Variants in LIMCH1 observed in about 807,000 individuals in gnomAD.
LIMCH1 encodes the protein LIM and calponin homology domains 1.
Under a neutral mutation model 176.5 loss-of-function variants are expected in LIMCH1, and 113 were observed. The observed-to-expected ratio is 0.64, with a 90% confidence interval of 0.55 to 0.75. The LOEUF (loss-of-function observed/expected upper bound fraction) is 0.75, where lower values mean the gene tolerates loss of function less well. Ranked by LOEUF, LIMCH1 falls within the 30% of genes least tolerant of loss-of-function variation. The pLI is 0.00. For missense variants in LIMCH1, 1,674 were observed against 1,814.9 expected, an observed-to-expected ratio of 0.92 and a Z score of 1.41; for synonymous variants, 619 against 645.9, an observed-to-expected ratio of 0.96 and a Z score of 0.63.
At position 41,619,423 on chromosome 4, in the gene LIMCH1, T is replaced by C; in HGVS notation, c.441T>C (p.Gly147=). 2 of 1,610,116 alleles carry C rather than the reference T, an allele frequency of 1.2e-6. No individual in the cohort carries two copies. The highest frequency in any genetic ancestry group is 2.2e-5 in the South Asian group (2 of 91,064). ...KSWSTATSPL[G]GERPFSFPET... ...GGAGTACCGCCACCTCCCCGCTGGG[T>C]GGGGAGAGGCCCTTCAGGTAAGGCC... Residue 147 remains glycine, a synonymous_variant, in exon 6 of 32, where the codon GGT becomes GGC. Transcript: ENST00000503057.
At chr4:41,367,267 A>G (rs2053163937) in intron 1 of LIMCH1, among the ~76,000 whole-genome samples, 1 of 152,222 alleles carries the variant, frequency 6.6e-6, no homozygotes, top group Non-Finnish European at 1.5e-5. Flanking sequence ...CAGATGATAT[A>G]GTCATATAAA....
rs375750606 is a variant in LIMCH1 at position 41,391,223 on chromosome 4, A to G, written c.96+30287A>G. Among the ~76,000 whole-genome samples the G allele has an allele frequency of 4.6e-5, 7 of 152,270 alleles. No individual in the cohort carries two copies. In the East Asian group the frequency reaches 1.4e-3, roughly 29 times the overall value. On this transcript the variant is annotated intron_variant, in intron 1 of 26. Coordinates refer to the LIMCH1 transcript ENST00000313860. ...ATATTGGAAAAATATTTTAATCCTT[A>G]AGTGCTCTAGTTTCTTCATTTGTGT...
intron 2 of LIMCH1, among the ~76,000 whole-genome samples, chr4:41,495,018 C>T (rs1376620598): frequency 3.3e-5 from 5 of 152,104 alleles, no homozygotes; most frequent in South Asian, 4.1e-4. Flanking sequence ...TAAAACATGC[C>T]GGGTAATGCT....
chr4:41,370,541 G>A (rs1008981414), intron 1 of LIMCH1, among the ~76,000 whole-genome samples: 2 of 152,080 alleles, frequency 1.3e-5, no homozygotes, highest in African/African-American at 4.8e-5. Flanking sequence ...AGTTGCCTGT[G>A]GAGCTGAATG....
At chr4:41,679,923 T>G in intron 23 of LIMCH1, 83 bp from the exon 24 acceptor site, 1 of 784,622 alleles carries the variant, frequency 1.3e-6, no homozygotes, top group Non-Finnish European at 2.1e-6. Flanking sequence ...TGCAACATAT[T>G]GTACATGGTG....
intron 1 of LIMCH1, among the ~76,000 whole-genome samples, chr4:41,488,133 AACT>A (rs2070048088): frequency 6.6e-6 from 1 of 152,190 alleles, no homozygotes; most frequent in Non-Finnish European, 1.5e-5. Context: ...AATGTAGCTA[AACT>A]TTGTTGGGCT....
intron 1 of LIMCH1, among the ~76,000 whole-genome samples, chr4:41,400,104 G>T (rs529731132): frequency 1.8e-4 from 28 of 151,844 alleles, no homozygotes; most frequent in Admixed American, 9.2e-4. Context: ...CCAAGGTTTG[G>T]ACCAAGACTG....
intron 1 of LIMCH1, among the ~76,000 whole-genome samples, chr4:41,554,529 G>T (rs1263269034): frequency 1.3e-5 from 2 of 152,244 alleles, no homozygotes; most frequent in East Asian, 3.9e-4. Context: ...AGTAAAAACT[G>T]CAGGGGAACC....
At chr4:41,418,681 A>AGTGT (rs2060157362) in intron 1 of LIMCH1, 1 of 152,210 alleles carries the variant, frequency 6.6e-6, no homozygotes, top group Non-Finnish European at 1.5e-5. Context: ...TCACTGGCCC[A>AGTGT]GACGTTTGCA....
At position 41,662,973 on chromosome 4, in the gene LIMCH1, C is replaced by T. The variant is rs747694548; in HGVS notation, c.3280C>T (p.Leu1094=). 3.7e-6 allele frequency: 6 copies of T among 1,613,518 alleles called. No homozygotes were observed. The highest frequency in any genetic ancestry group is 5.1e-6 in the Non-Finnish European group (6 of 1,179,808). ...AATGAGTGGAAAGGTGGAGTTGGTGCTGTCACAAAAGGTGAAGTGCAGAGT... is the reference window on the plus strand; with the variant it reads ...AATGAGTGGAAAGGTGGAGTTGGTGTTGTCACAAAAGGTGAAGTGCAGAGT... ...NEMSGKVELV[L]SQKVVKPKSP... The change falls in exon 20 of 32, where the codon CTG becomes TTG. Residue 1094 remains leucine (L), a synonymous_variant. Coordinates refer to ENST00000503057, the MANE Select transcript of LIMCH1 (RefSeq NM_001330672.2).
At chr4:41,646,440 A>G (rs375621550) in intron 16 of LIMCH1, 45 bp from the exon 17 acceptor site, 1 of 1,587,996 alleles carries the variant, frequency 6.3e-7, no homozygotes, top group African/African-American at 1.4e-5. Context: ...CTTCTTTGCA[A>G]TTTTCATTAG....
chr4:41,624,020 T>C (rs1371585262), intron 7 of LIMCH1, among the ~76,000 whole-genome samples: 5 of 152,174 alleles, frequency 3.3e-5, no homozygotes, highest in Non-Finnish European at 7.4e-5. Context: ...CCCCCAAATA[T>C]GAGAGTCTGC....
intron 3 of LIMCH1, among the ~76,000 whole-genome samples, chr4:41,531,176 G>A (rs1354324437): frequency 2.0e-5 from 3 of 152,014 alleles, no homozygotes; most frequent in African/African-American, 7.3e-5. Flanking sequence ...TTTGTTTGGA[G>A]ACATCAACCT....
At chr4:41,458,698 T>TG (rs367768682) in intron 1 of LIMCH1, among the ~76,000 whole-genome samples, 4 of 135,860 alleles carry the variant, frequency 2.9e-5, no homozygotes, top group African/African-American at 8.5e-5. Context: ...GGCGTGAACC[T>TG]GGGGGGCGGA....
In LIMCH1 at chr4:41,678,279, G is replaced by A. The variant is rs188802357; in HGVS notation, c.3520-1727G>A. Among the ~76,000 whole-genome samples, 252 of 151,862 alleles carry A rather than the reference G, an allele frequency of 1.7e-3. 2 individuals carry two copies. Among genetic ancestry groups the A allele is most frequent in the African/African-American group, 5.9e-3 (244 of 41,368 alleles). On this transcript the variant is annotated intron_variant, in intron 23 of 31. Coordinates refer to ENST00000503057, the MANE Select transcript of LIMCH1 (RefSeq NM_001330672.2). ...CTTTTGGCTTATTTCCCAGGGATGA[G>A]GTGGTAGACAGTGATTTAGATAGCA...
rs1242337256 is a variant in LIMCH1 at position 41,630,066 on chromosome 4, A to G, written c.1271+332A>G. Among the ~76,000 whole-genome samples, 8 of 152,168 alleles carry G rather than the reference A, an allele frequency of 5.3e-5. No individual in the cohort carries two copies. In the East Asian group the frequency reaches 1.5e-3, roughly 29 times the overall value. On this transcript the variant is annotated intron_variant, in intron 9 of 31. Transcript: ENST00000503057. ...AGGGATCCTCCCACCTCAGCTTCCCAAAGTCTTGGGATTACAGATGTGAGC... is the reference window on the plus strand; with the variant it reads ...AGGGATCCTCCCACCTCAGCTTCCCGAAGTCTTGGGATTACAGATGTGAGC...
At chr4:41,376,800 T>C (rs1194015105) in intron 1 of LIMCH1, among the ~76,000 whole-genome samples, 1 of 152,212 alleles carries the variant, frequency 6.6e-6, no homozygotes, top group Non-Finnish European at 1.5e-5. Flanking sequence ...AAGTTATTTA[T>C]TTATAAAATC....
intron 1 of LIMCH1, among the ~76,000 whole-genome samples, chr4:41,559,666 A>T (rs1405796927): frequency 6.6e-6 from 1 of 152,160 alleles, no homozygotes; most frequent in Non-Finnish European, 1.5e-5. Context: ...ACCTACTCTC[A>T]GGGTCACTAA....
At chr4:41,380,482 T>C (rs2055488024) in intron 1 of LIMCH1, among the ~76,000 whole-genome samples, 1 of 152,004 alleles carries the variant, frequency 6.6e-6, no homozygotes, top group South Asian at 2.1e-4. Context: ...TCTTTCTTTT[T>C]TTTTTTTTAG....
Sources: allele counts gnomAD v4.1 joint callset (sites outside exome capture counted in the v4.1 genomes callset), GRCh38; gene constraint gnomAD v4.1.1; transcripts MANE v1.5; gene names NCBI Gene and HGNC (gene_info 2026-07-23, HGNC 2026-07-21).